FOXN3: variants seen among roughly 807,000 people sequenced by gnomAD.
FOXN3 encodes the protein forkhead box N3, also known as forkhead box protein N3.
A neutral mutation model predicts 38.4 loss-of-function variants in FOXN3; 7 were observed. That is an observed-to-expected ratio of 0.18 (90% CI 0.10 to 0.34). The LOEUF is 0.34. Ranked by LOEUF, FOXN3 falls within the 10% of genes least tolerant of loss-of-function variation. The probability of loss-of-function intolerance (pLI) is 1.00; values close to 1 mark genes in which losing one functional copy is unlikely to be tolerated. For synonymous variants in FOXN3, 230 were observed against 242.2 expected (o/e 0.95, Z 0.47); for missense variants, 456 against 613.4 (o/e 0.74, Z 2.71).
chr14:89,291,107 C>T (rs771189853), intron 3 of FOXN3: 10 of 513,332 alleles, frequency 1.9e-5, no homozygotes, highest in Admixed American at 8.1e-5. Context: ...CCTTTAAGAC[C>T]CTGTTAGTGT....
At chr14:89,619,108 C>T (rs946814838) in exon 1 of FOXN3, 1 of 151,696 alleles carries the variant, frequency 6.6e-6, no homozygotes, top group Admixed American at 6.6e-5. Flanking sequence ...GTGGCCCCGC[C>T]GCCGGGTCGC....
At chr14:89,342,682 C>T (rs1023308010) in intron 3 of FOXN3, among the ~76,000 whole-genome samples, 3 of 152,180 alleles carry the variant, frequency 2.0e-5, no homozygotes, top group African/African-American at 7.2e-5. Flanking sequence ...TTCAATCCCA[C>T]ATCTACTTTA....
chr14:89,464,038 C>A (rs916229389), intron 1 of FOXN3, among the ~76,000 whole-genome samples: 3 of 151,008 alleles, frequency 2.0e-5, no homozygotes, highest in Admixed American at 1.3e-4. Flanking sequence ...CATGCCTCGA[C>A]CCCCCAAAGT....
chr14:89,340,567 CA>C (rs1888587040), intron 3 of FOXN3, among the ~76,000 whole-genome samples: 1 of 152,116 alleles, frequency 6.6e-6, no homozygotes, highest in Non-Finnish European at 1.5e-5. Flanking sequence ...GTAAGAAAAA[CA>C]AAAGGTTATG....
intron 3 of FOXN3, among the ~76,000 whole-genome samples, chr14:89,306,891 C>A (rs1887395063): frequency 6.6e-6 from 1 of 152,118 alleles, no homozygotes. Context: ...AACTTCAATG[C>A]CATAAATAAC....
chr14:89,576,402 C>A (rs1895618607), intron 1 of FOXN3: 1 of 151,966 alleles, frequency 6.6e-6, no homozygotes, highest in South Asian at 2.1e-4. Context: ...AAATGGTGCT[C>A]CTGTGAAGGG....
chr14:89,584,338 T>C (rs1053869223), intron 1 of FOXN3, among the ~76,000 whole-genome samples: 7 of 151,736 alleles, frequency 4.6e-5, no homozygotes, highest in Non-Finnish European at 7.4e-5. Flanking sequence ...GAGGCGGAGG[T>C]TGCAGTGAAC....
chr14:89,347,417 G>A (rs899358150), intron 3 of FOXN3, among the ~76,000 whole-genome samples: 18 of 152,142 alleles, frequency 1.2e-4, no homozygotes, highest in African/African-American at 3.9e-4. Flanking sequence ...CAGAAGCTAG[G>A]AGAGAGGGGT....
intron 1 of FOXN3, among the ~76,000 whole-genome samples, chr14:89,520,734 A>G (rs1349302816): frequency 2.0e-5 from 3 of 152,256 alleles, no homozygotes; most frequent in Non-Finnish European, 4.4e-5. Flanking sequence ...CATTCACAAC[A>G]ACCAAGTTAC....
intron 1 of FOXN3, among the ~76,000 whole-genome samples, chr14:89,532,548 A>G (rs1411231161): frequency 6.6e-6 from 1 of 152,232 alleles, no homozygotes; most frequent in African/African-American, 2.4e-5. Flanking sequence ...AAACTTTACA[A>G]ACCTTAAATA....
At chr14:89,440,280 G>A (rs1892353997) in intron 1 of FOXN3, among the ~76,000 whole-genome samples, 1 of 152,134 alleles carries the variant, frequency 6.6e-6, no homozygotes, top group South Asian at 2.1e-4. Context: ...GGCTGCAGCA[G>A]CAGCCTCCTG....
intron 3 of FOXN3, among the ~76,000 whole-genome samples, chr14:89,300,349 A>G (rs1359166168): frequency 1.3e-5 from 2 of 151,644 alleles, no homozygotes; most frequent in African/African-American, 4.8e-5. Context: ...TGCCCAGATA[A>G]TTTTTCTATT....
chr14:89,329,654 G>A (rs1017276470), intron 3 of FOXN3, among the ~76,000 whole-genome samples: 1 of 151,998 alleles, frequency 6.6e-6, no homozygotes, highest in Non-Finnish European at 1.5e-5. Context: ...TCAGGAGTTC[G>A]AGACCATCCT....
At chr14:89,552,877 C>G (rs906843640) in intron 1 of FOXN3, among the ~76,000 whole-genome samples, 1 of 152,040 alleles carries the variant, frequency 6.6e-6, no homozygotes, top group African/African-American at 2.4e-5. Context: ...GGTAAAAGAG[C>G]GAGACTCCGT....
chr14:89,570,609 C>T (rs373853281), intron 1 of FOXN3, among the ~76,000 whole-genome samples: 1 of 152,018 alleles, frequency 6.6e-6, no homozygotes, highest in South Asian at 2.1e-4. Context: ...CAATGGCATG[C>T]GGCTCAGGAC....
chr14:89,401,419 G>A (rs148491252), intron 2 of FOXN3, among the ~76,000 whole-genome samples: 3 of 152,156 alleles, frequency 2.0e-5, no homozygotes, highest in African/African-American at 2.4e-5. Context: ...CTCCAGCCTG[G>A]GTGACTCAAC....
At chr14:89,252,677 A>C (rs1212248102) in intron 4 of FOXN3, among the ~76,000 whole-genome samples, 1 of 150,672 alleles carries the variant, frequency 6.6e-6, no homozygotes, top group African/African-American at 2.4e-5. Flanking sequence ...AAAAAAAATC[A>C]GGAAATTTTA....
At chr14:89,364,188 AT>A (rs1449074966) in intron 2 of FOXN3, among the ~76,000 whole-genome samples, 1 of 150,548 alleles carries the variant, frequency 6.6e-6, no homozygotes. Context: ...ATTACAAAGA[AT>A]TTTTTTCTAG....
intron 4 of FOXN3, among the ~76,000 whole-genome samples, chr14:89,229,633 G>A (rs1884746946): frequency 6.6e-6 from 1 of 152,124 alleles, no homozygotes. Context: ...ATACACTTCC[G>A]ATGGTGTTTC....
Sources: allele counts gnomAD v4.1 joint callset (sites outside exome capture counted in the v4.1 genomes callset), GRCh38; gene constraint gnomAD v4.1.1; transcripts MANE v1.5; gene names NCBI Gene and HGNC (gene_info 2026-07-23, HGNC 2026-07-21).